The following DSG4 variants were observed in gnomAD, a reference collection of about 807,000 sequenced individuals.
The protein encoded by DSG4 is desmoglein-4.
A neutral mutation model predicts 93.1 loss-of-function variants in DSG4; 87 were observed. The ratio of observed to expected loss-of-function variants is 0.93; its 90% CI spans 0.79 to 1.12. The LOEUF (loss-of-function observed/expected upper bound fraction) is 1.12. DSG4 is among the 50% of genes most tolerant of loss of function. The probability of loss-of-function intolerance (pLI) is 0.00; values close to 1 mark genes in which losing one functional copy is unlikely to be tolerated. For synonymous variants in DSG4, 432 were observed against 452.9 expected (o/e 0.95, Z 0.59); for missense variants, 1,373 against 1,285.7 (o/e 1.07, Z -1.04).
chr18:31,406,910 T>A (rs2072434350), intron 12 of DSG4, among the ~76,000 whole-genome samples: 1 of 152,042 alleles, frequency 6.6e-6, no homozygotes, highest in African/African-American at 2.4e-5. Flanking sequence ...CCCGAGTAGC[T>A]GGGACTACAG....
At chr18:31,377,036 T>A in intron 1 of DSG4, 77 bp downstream of exon 1, 5 of 1,469,934 alleles carry the variant, frequency 3.4e-6, no homozygotes, top group East Asian at 2.4e-5. Context: ...GCTTTCTACA[T>A]GGGATTTATT....
intron 10 of DSG4, among the ~76,000 whole-genome samples, chr18:31,401,330 G>GA (rs2072363723): frequency 1.3e-5 from 2 of 152,164 alleles, no homozygotes; most frequent in African/African-American, 4.8e-5. Flanking sequence ...TGTAGGGTAT[G>GA]TTGGGAATGT....
chr18:31,388,025 A>G (rs1280601102), intron 3 of DSG4, among the ~76,000 whole-genome samples: 1 of 152,188 alleles, frequency 6.6e-6, no homozygotes, highest in East Asian at 1.9e-4. Context: ...TTTTTAAAAA[A>G]TAGTAAATGT....
chr18:31,393,963 G>A (rs1010030582), intron 8 of DSG4, among the ~76,000 whole-genome samples: 4 of 152,238 alleles, frequency 2.6e-5, no homozygotes, highest in African/African-American at 9.6e-5. Flanking sequence ...TTTCTTAAGT[G>A]AACACAAGGA....
At position 31,400,788 on chromosome 18, in the gene DSG4, A is replaced by G. The variant is rs1018852820; in HGVS notation, c.1278-93A>G. 31 of 1,322,794 alleles carry G rather than the reference A, an allele frequency of 2.3e-5. No homozygotes were observed. In the African/African-American group the frequency reaches 4.3e-4, roughly 18 times the overall value. 81.9% of individuals were successfully genotyped at this position (1,322,794 alleles called of 1,614,324 possible). On this transcript the variant is annotated intron_variant, in intron 9 of 15. Transcript: ENST00000308128. ...TCATCACTATAAAACATAAAAACAC[A>G]ATATTAAAGTTTGCCACATTGTAGC...
Position 31,409,574 on chromosome 18 carries a change from G to T in DSG4, c.2056G>T (p.Ala686Ser). The part of the protein sequence containing the change: ...GVMQSWRIEG[A>S]HPEDRDVSNI... Reference sequence around the variant, plus strand: ...GATGCAGTCTTGGAGAATTGAAGGGGCCCATCCCGAGGACAGGGTAAGTGG... The same window carrying T: ...GATGCAGTCTTGGAGAATTGAAGGGTCCCATCCCGAGGACAGGGTAAGTGG... Residue 686 changes from alanine (A) to serine (S), a missense_variant, in exon 13 of 16, where the codon GCC (alanine) becomes TCC (serine). Physicochemically the swap from Ala to Ser is moderately conservative, Grantham distance 99 (BLOSUM62 1). Coordinates refer to ENST00000308128, the MANE Select transcript of DSG4 (RefSeq NM_177986.5). 1 of 1,614,196 alleles carries T rather than the reference G, an allele frequency of 6.2e-7. No homozygotes were observed. The highest frequency in any genetic ancestry group is 8.5e-7 in the Non-Finnish European group (1 of 1,180,044).
At position 31,413,563 on chromosome 18, in the gene DSG4, C is replaced by T. The variant is rs147705128; in HGVS notation, c.3091C>T (p.Arg1031Ter). ...CATGACATCTCGACACAGAGTAACA[C>T]GATACAGTAACATACATTACACCCA... is the stretch of plus-strand genomic sequence containing the variant. ...SPMTSRHRVTRYSNIHYTQQ is the reference protein window; with the variant it reads ...SPMTSRHRVT The change falls in exon 16 of 16, where the codon CGA becomes TGA. Residue 1031 changes from arginine (R) to a stop codon, truncating the protein, a stop_gained. Transcript: ENST00000308128. LOFTEE classifies it high-confidence loss of function. The T allele has an allele frequency of 5.0e-5, 81 of 1,613,986 alleles. No individual in the cohort carries two copies. In the African/African-American group the frequency reaches 5.5e-4, roughly 11 times the overall value.
At chr18:31,377,096 G>A in intron 1 of DSG4, 137 bp downstream of exon 1, 1 of 990,344 alleles carries the variant, frequency 1.0e-6, no homozygotes, top group Middle Eastern at 2.1e-4. Context: ...TCCAGCCTCT[G>A]TTAATTTCAA....
chr18:31,389,595 A>C (rs2072226737), intron 5 of DSG4, among the ~76,000 whole-genome samples: 1 of 149,352 alleles, frequency 6.7e-6, no homozygotes, highest in African/African-American at 2.5e-5. Context: ...TTTCCTTCCT[A>C]CTCTTATGCT....
At chr18:31,403,328 C>T in intron 10 of DSG4, 88 bp from the exon 11 acceptor site, 4 of 1,129,100 alleles carry the variant, frequency 3.5e-6, no homozygotes, top group Non-Finnish European at 5.2e-6. Flanking sequence ...ATGTTTCCTA[C>T]AAGTTCCATG....
intron 7 of DSG4, among the ~76,000 whole-genome samples, chr18:31,391,439 G>T (rs1039190891): frequency 6.6e-6 from 1 of 152,012 alleles, no homozygotes; most frequent in Non-Finnish European, 1.5e-5. Flanking sequence ...TGAAAGCAAC[G>T]AACTATCTAT....
Position 31,403,633 on chromosome 18 carries a change from T to C in DSG4, c.1635T>C (p.Asn545=), listed in dbSNP as rs2072394630. 7 of 1,613,976 alleles carry C rather than the reference T, an allele frequency of 4.3e-6. No homozygotes were observed. The highest frequency in any genetic ancestry group is 5.1e-6 in the Non-Finnish European group (6 of 1,179,866). Residue 545 remains asparagine, a splice_region_variant and synonymous_variant, in exon 11 of 16, where the codon AAT becomes AAC. Coordinates refer to ENST00000308128, the MANE Select transcript of DSG4 (RefSeq NM_177986.5). ...ACATGTGGGATGTCAGATCAACAAA[T>C]GGTAAGTGAAACGTAAGCTTGTTTT... The part of the protein sequence containing the change: ...IADMWDVRST[N]ATSAILTAKQ...
At chr18:31,398,806 T>C (rs908596780) in intron 8 of DSG4, among the ~76,000 whole-genome samples, 1 of 152,190 alleles carries the variant, frequency 6.6e-6, no homozygotes. Context: ...AATTACGTGT[T>C]CAGTGACATC....
intron 1 of DSG4, among the ~76,000 whole-genome samples, chr18:31,380,713 A>AT (rs1221790177): frequency 6.6e-6 from 1 of 152,206 alleles, no homozygotes; most frequent in Non-Finnish European, 1.5e-5. Flanking sequence ...AGAACTGCTT[A>AT]TTAATAAGTT....
rs201325631 is a variant in DSG4 at position 31,411,412 on chromosome 18, C to A, written c.2319C>A (p.Asp773Glu). 3.0e-5 allele frequency: 48 copies of A among 1,613,918 alleles called. No individual in the cohort carries two copies. Among genetic ancestry groups the A allele is most frequent in the Non-Finnish European group, 4.0e-5 (47 of 1,180,022 alleles). ...MGTLRDYADA[D>E]INMAFLDSYF... ...CCCTGCGGGACTACGCTGACGCAGA[C>A]ATCAACATGGCTTTCTTGGACAGCT... Residue 773 changes from aspartate to glutamate, a missense_variant, in exon 15 of 16, where the codon GAC (aspartate) becomes GAA (glutamate). Physicochemically the swap from Asp to Glu is conservative, Grantham distance 45. Coordinates refer to ENST00000308128, the MANE Select transcript of DSG4 (RefSeq NM_177986.5).
At chr18:31,405,034 C>A (rs2072409318) in intron 11 of DSG4, among the ~76,000 whole-genome samples, 1 of 152,318 alleles carries the variant, frequency 6.6e-6, no homozygotes, top group East Asian at 1.9e-4. Context: ...TGTGCTGTGG[C>A]ATTGCCTTAT....
In DSG4 at chr18:31,386,794, A is replaced by T. The variant is rs1231184679; in HGVS notation, c.191A>T (p.Asn64Ile). ...FAAACREGED[N>I]SKRNPIAKIR... is the part of the protein sequence containing the mutation. ...GCAGCCTGTCGAGAAGGAGAGGACA[A>T]CTCGAAGAGGAACCCCATTGCCAAA... Residue 64 changes from asparagine to isoleucine, a missense_variant, in exon 3 of 16, where the codon AAC (asparagine) becomes ATC (isoleucine). Asn to Ile is a moderately radical substitution (Grantham distance 149). Transcript: ENST00000308128. 1.2e-6 allele frequency: 2 copies of T among 1,613,300 alleles called. No homozygotes were observed. Among genetic ancestry groups the T allele is most frequent in the Non-Finnish European group, 1.7e-6 (2 of 1,179,410 alleles).
intron 5 of DSG4, 52 bp downstream of exon 5, chr18:31,389,070 G>A: frequency 1.2e-6 from 2 of 1,603,646 alleles, no homozygotes; most frequent in Non-Finnish European, 1.7e-6. Flanking sequence ...ACTTCTCTTG[G>A]TCAAAAGCTT....
chr18:31,405,569 T>TA (rs1285723672), intron 11 of DSG4, among the ~76,000 whole-genome samples: 2,472 of 143,576 alleles, frequency 0.017, 55 homozygotes, highest in African/African-American at 0.054. Context: ...TTATAAATGT[T>TA]AAAAAAAAAA....
Sources: allele counts gnomAD v4.1 joint callset (sites outside exome capture counted in the v4.1 genomes callset), GRCh38; gene constraint gnomAD v4.1.1; transcripts MANE v1.5; gene names NCBI Gene and HGNC (gene_info 2026-07-23, HGNC 2026-07-21).